Variants in GPR143 observed in about 807,000 individuals in gnomAD.
GPR143 encodes the protein G protein-coupled receptor 143, also known as G-protein coupled receptor 143.
In GPR143, 8 loss-of-function variants were observed where a neutral mutation model predicts 27.6. The observed-to-expected ratio is 0.29, with a 90% CI of 0.17 to 0.52. GPR143 has a LOEUF of 0.52. Among genes scored for constraint, GPR143 ranks in the 20% least tolerant of loss-of-function variants. GPR143 has a pLI of 0.96. For synonymous variants in GPR143, 156 were observed against 153.2 expected (o/e 1.02, Z -0.13); for missense variants, 303 against 343.1 (o/e 0.88, Z 0.92).
intron 1 of GPR143, among the ~76,000 whole-genome samples, chrX:9,763,655 C>A (rs1028761244): frequency 9.0e-6 from 1 of 111,644 alleles, no homozygotes; most frequent in Non-Finnish European, 1.9e-5. Flanking sequence ...ACGAATCCCA[C>A]GTACAGGGAT....
intron 1 of GPR143, among the ~76,000 whole-genome samples, chrX:9,772,834 A>G (rs1347819975): frequency 9.8e-6 from 1 of 101,587 alleles, no homozygotes; most frequent in Non-Finnish European, 2.0e-5. Context: ...AAAAAAAAAA[A>G]AAGACATTGA....
intron 6 of GPR143, among the ~76,000 whole-genome samples, chrX:9,743,175 C>T (rs2083411940): frequency 1.1e-5 from 1 of 92,872 alleles, no homozygotes; most frequent in Non-Finnish European, 2.1e-5. Context: ...TGAGCCACTG[C>T]ACTCCAGCAC....
At chrX:9,727,287 T>C (rs969707461) in intron 8 of GPR143, among the ~76,000 whole-genome samples, 1 of 113,574 alleles carries the variant, frequency 8.8e-6, no homozygotes, top group African/African-American at 3.2e-5. Flanking sequence ...TTAGGGAAAC[T>C]TTCCCACCTT....
chrX:9,730,123 G>A (rs1280850030), intron 8 of GPR143, among the ~76,000 whole-genome samples: 1 of 112,460 alleles, frequency 8.9e-6, no homozygotes, highest in African/African-American at 3.2e-5. Flanking sequence ...CTCTAGGTTT[G>A]TTTAAACTCT....
chrX:9,726,087 A>G, intron 8 of GPR143: 1 of 507,936 alleles, frequency 2.0e-6, no homozygotes, highest in Non-Finnish European at 2.4e-6. Context: ...GCCCTACAGA[A>G]TCATCTAGGC....
intron 1 of GPR143, among the ~76,000 whole-genome samples, chrX:9,777,778 G>A (rs1184663117): frequency 1.1e-5 from 1 of 93,528 alleles, no homozygotes; most frequent in Non-Finnish European, 2.1e-5. Context: ...AACATAGTGA[G>A]ACTCCATCTC....
intron 1 of GPR143, among the ~76,000 whole-genome samples, chrX:9,771,281 G>A (rs2083553774): frequency 1.8e-5 from 2 of 111,044 alleles, no homozygotes; most frequent in East Asian, 2.8e-4. Context: ...GGCTGGTCTC[G>A]AATTCCTGGT....
rs558005889 is a variant in GPR143, at chrX:9,729,301, T to G, written c.1121-3461A>C. On this transcript the variant is annotated intron_variant, in intron 8 of 8. Transcript: ENST00000467482. Reference sequence around the variant, plus strand: ...TGGATTCATGGGAACTCCTTTGTGATTTCTGTGGTTCTTTTCAAATAGACT... The same window carrying G: ...TGGATTCATGGGAACTCCTTTGTGAGTTCTGTGGTTCTTTTCAAATAGACT... 2.1e-4 allele frequency among the ~76,000 whole-genome samples: 23 copies of G among 111,229 alleles called. No individual in the cohort carries two copies. In the South Asian group the frequency reaches 8.1e-3, roughly 39 times the overall value.
intron 4 of GPR143, among the ~76,000 whole-genome samples, chrX:9,747,282 C>T (rs1050939496): frequency 9.0e-6 from 1 of 110,629 alleles, no homozygotes; most frequent in African/African-American, 3.3e-5. Flanking sequence ...GAACACCGAG[C>T]GCCCTGGGTC....
intron 1 of GPR143, among the ~76,000 whole-genome samples, 161 bp from the exon 2 acceptor site, chrX:9,760,987 CAAG>C (rs1234544396): frequency 1.8e-5 from 2 of 109,092 alleles, no homozygotes; most frequent in African/African-American, 6.7e-5. Context: ...GGGAAAAAGA[CAAG>C]GAGGGAAAAG....
Position 9,765,757 on chromosome X carries a change from C to T in GPR143, c.61G>A (p.Val21Met). The T allele has an allele frequency of 8.9e-7, 1 of 1,124,553 alleles. No homozygotes were observed. The highest frequency in any genetic ancestry group is 2.0e-5 in the South Asian group (1 of 49,535). The allele number at this position is 1,124,553 out of a possible 1,213,427, so 92.7% of individuals were successfully genotyped here. Residue 21 changes from valine to methionine, a missense_variant, in exon 1 of 9, where the codon GTG becomes ATG. Coordinates refer to ENST00000467482, the MANE Select transcript of GPR143 (RefSeq NM_000273.3). ...CPTRDAATQL[V>M]LSFQPRAFHA... ...AAGGCCCGCGGCTGGAAGCTCAGCA[C>T]GAGCTGCGTGGCTGCGTCCCGCGTG...
chrX:9,749,892 G>A (rs1601881115), intron 3 of GPR143, among the ~76,000 whole-genome samples: 1 of 112,511 alleles, frequency 8.9e-6, no homozygotes, highest in Non-Finnish European at 1.9e-5. Context: ...AGCCTCCTGA[G>A]TAGCTGGGAC....
intron 8 of GPR143, 140 bp from the exon 9 acceptor site, chrX:9,725,980 CA>C (rs35066814): frequency 0.18 from 58,134 of 320,976 alleles, 83 homozygotes; most frequent in African/African-American, 0.25. Context: ...ATCTCATCTG[CA>C]AAAAAAAAAA....
At chrX:9,740,900 G>T in intron 7 of GPR143, 4 of 296,350 alleles carry the variant, frequency 1.3e-5, no homozygotes. Flanking sequence ...TTGTGAGACT[G>T]CCAGGAGCTT....
chrX:9,744,721 T>C (rs1473400163), intron 5 of GPR143, among the ~76,000 whole-genome samples: 1 of 111,796 alleles, frequency 8.9e-6, no homozygotes, highest in African/African-American at 3.2e-5. Flanking sequence ...ATAAAAATAG[T>C]GCACGCTTGT....
At position 9,744,229 on chromosome X, in the gene GPR143, C is replaced by T. The variant is rs1032572237; in HGVS notation, c.659-556G>A. The stretch of plus-strand genomic sequence containing the variant: ...GTGCACGTCTGTAATCCCAGCTATC[C>T]GGGAGGCTGGTGCACGAGAATCCCT... On this transcript the variant is annotated intron_variant, in intron 5 of 8. Transcript: ENST00000467482. 8.1e-5 allele frequency among the ~76,000 whole-genome samples: 9 copies of T among 110,590 alleles called. No individual in the cohort carries two copies. The East Asian group carries it at 2.0e-3, about 24-fold the overall frequency.
chrX:9,751,787 A>C (rs1410346209), intron 3 of GPR143, among the ~76,000 whole-genome samples: 1 of 113,068 alleles, frequency 8.8e-6, no homozygotes, highest in African/African-American at 3.2e-5. Flanking sequence ...TTACGTCTCA[A>C]CTAAAAGAAT....
At chrX:9,744,230 G>A (rs775328542) in intron 5 of GPR143, among the ~76,000 whole-genome samples, 4 of 110,982 alleles carry the variant, frequency 3.6e-5, no homozygotes, top group African/African-American at 6.6e-5. Flanking sequence ...CCAGCTATCC[G>A]GGAGGCTGGT....
At chrX:9,773,591 G>T (rs774915362) in intron 1 of GPR143, among the ~76,000 whole-genome samples, 2 of 111,122 alleles carry the variant, frequency 1.8e-5, no homozygotes, top group African/African-American at 6.6e-5. Flanking sequence ...TAGAAAAATT[G>T]CCCTGGAGTG....
Sources: gnomAD v4.1 joint callset for allele counts (sites outside exome capture counted in the v4.1 genomes callset) on GRCh38, gnomAD v4.1.1 for gene constraint, MANE v1.5 for transcripts, NCBI Gene and HGNC (gene_info 2026-07-23, HGNC 2026-07-21) for gene names.